Variants in FOCAD observed in about 807,000 individuals in gnomAD.
The protein encoded by FOCAD is focadhesin.
A neutral mutation model predicts 225.6 loss-of-function variants in FOCAD; 198 were observed. That is an observed-to-expected ratio of 0.88 (90% confidence interval 0.78 to 0.99). The LOEUF (loss-of-function observed/expected upper bound fraction) is 0.99, where lower values mean the gene tolerates loss of function less well. Among genes scored for constraint, FOCAD ranks in the 50% least tolerant of loss-of-function variants. The pLI, the probability that FOCAD is intolerant of heterozygous loss-of-function variation, is 0.00. For synonymous variants in FOCAD, 897 were observed against 755.0 expected (o/e 1.19, Z -3.08); for missense variants, 2,713 against 2,123.6 (o/e 1.28, Z -5.46).
chr9:20,667,715 A>C (rs538607536), intron 2 of FOCAD, among the ~76,000 whole-genome samples: 30 of 152,364 alleles, frequency 2.0e-4, no homozygotes, highest in African/African-American at 6.3e-4. Flanking sequence ...TGACAGGAAT[A>C]ATACTGCTTC....
chr9:20,943,471 A>T (rs1246345375), intron 28 of FOCAD, among the ~76,000 whole-genome samples: 3 of 152,218 alleles, frequency 2.0e-5, no homozygotes, highest in South Asian at 4.1e-4. Context: ...ATCCCCTTGT[A>T]TTGGCCGTGC....
intron 16 of FOCAD, among the ~76,000 whole-genome samples, chr9:20,864,732 G>A (rs965996043): frequency 5.3e-5 from 8 of 152,066 alleles, no homozygotes; most frequent in South Asian, 2.1e-4. Flanking sequence ...CACAGTGCTT[G>A]CTTCACTTAT....
At chr9:20,787,707 C>T (rs1490806086) in intron 10 of FOCAD, among the ~76,000 whole-genome samples, 3 of 149,960 alleles carry the variant, frequency 2.0e-5, no homozygotes, top group African/African-American at 7.6e-5. Flanking sequence ...TTTCACTCCC[C>T]AAAACAGAAG....
At chr9:20,993,511 T>C (rs1841839326) in intron 43 of FOCAD, among the ~76,000 whole-genome samples, 183 bp downstream of exon 43, 1 of 152,200 alleles carries the variant, frequency 6.6e-6, no homozygotes. Flanking sequence ...AAGGAGATGC[T>C]TTGGGGATGG....
intron 15 of FOCAD, among the ~76,000 whole-genome samples, chr9:20,845,544 T>C (rs186917141): frequency 6.6e-6 from 1 of 151,214 alleles, no homozygotes; most frequent in African/African-American, 2.4e-5. Context: ...TATTAGATTG[T>C]TTCCAATTTT....
At chr9:20,962,681 A>T (rs538057181) in intron 35 of FOCAD, among the ~76,000 whole-genome samples, 1 of 152,228 alleles carries the variant, frequency 6.6e-6, no homozygotes, top group African/African-American at 2.4e-5. Context: ...GTCCTGTTGT[A>T]ATGCATTATG....
At chr9:20,834,725 A>G (rs1292706363) in intron 15 of FOCAD, among the ~76,000 whole-genome samples, 2 of 152,016 alleles carry the variant, frequency 1.3e-5, no homozygotes, top group African/African-American at 4.8e-5. Flanking sequence ...AGGGAGATAG[A>G]CCAGAAAGGG....
At chr9:20,720,663 G>A in intron 4 of FOCAD, 129 bp downstream of exon 4, 1 of 871,676 alleles carries the variant, frequency 1.1e-6, no homozygotes, top group Non-Finnish European at 1.8e-6. Context: ...AATGTCATGA[G>A]TTGCTGTTTC....
At chr9:20,694,890 C>T (rs1036264119) in intron 1 of FOCAD, among the ~76,000 whole-genome samples, 3 of 152,148 alleles carry the variant, frequency 2.0e-5, no homozygotes, top group African/African-American at 4.8e-5. Flanking sequence ...CTCAGTTGGG[C>T]CAAGATTGTC....
intron 5 of FOCAD, 73 bp from the exon 6 acceptor site, chr9:20,758,017 G>T: frequency 1.1e-6 from 1 of 921,552 alleles, no homozygotes; most frequent in Non-Finnish European, 1.6e-6. Context: ...TGGCTTCTTT[G>T]CTGCTATATT....
At chr9:20,749,096 T>TC (rs1445895039) in intron 5 of FOCAD, among the ~76,000 whole-genome samples, 1 of 152,108 alleles carries the variant, frequency 6.6e-6, no homozygotes, top group African/African-American at 2.4e-5. Context: ...CATTTATGTT[T>TC]CCCCCCAACC....
At chr9:20,693,443 A>G (rs10120221) in intron 1 of FOCAD, among the ~76,000 whole-genome samples, 3,517 of 152,226 alleles carry the variant, frequency 0.023, 137 homozygotes, top group African/African-American at 0.081. Flanking sequence ...CAGAAATGCT[A>G]TGTAATTTAC....
chr9:20,821,185 T>C (rs1269337231), intron 14 of FOCAD, 114 bp downstream of exon 14: 2 of 912,040 alleles, frequency 2.2e-6, no homozygotes, highest in Non-Finnish European at 3.0e-6. Context: ...TAAGTACTAA[T>C]AATTTTTTAA....
chr9:20,865,986 C>A lies in FOCAD; in HGVS notation c.2106+10C>A. 6.3e-7 allele frequency: 1 copy of A among 1,599,148 alleles called. No homozygotes were observed. Among genetic ancestry groups the A allele is most frequent in the Non-Finnish European group, 8.5e-7 (1 of 1,171,916 alleles). On this transcript the variant is annotated intron_variant, in intron 17 of 43. Transcript: ENST00000338382. The stretch of plus-strand genomic sequence containing the variant: ...TCATACTCAAAACAAGGTACTATCA[C>A]AAGGCTTGTCAGTGAATCAGAACAA...
At chr9:20,967,957 G>A (rs1363455609) in intron 35 of FOCAD, among the ~76,000 whole-genome samples, 1 of 152,002 alleles carries the variant, frequency 6.6e-6, no homozygotes, top group East Asian at 1.9e-4. Flanking sequence ...ATGATATCAG[G>A]ATAATGCTGA....
chr9:20,938,627 T>C (rs1307909869), intron 28 of FOCAD, among the ~76,000 whole-genome samples: 2 of 152,046 alleles, frequency 1.3e-5, no homozygotes, highest in African/African-American at 4.8e-5. Flanking sequence ...ATACCTAATG[T>C]TAAATGACAA....
chr9:20,719,114 C>T (rs1825573143), intron 3 of FOCAD, among the ~76,000 whole-genome samples: 1 of 151,992 alleles, frequency 6.6e-6, no homozygotes, highest in Non-Finnish European at 1.5e-5. Context: ...CAGAGTCTGG[C>T]TCTGTCGCCC....
At chr9:20,661,911 AAAAG>A (rs1306286671) in intron 2 of FOCAD, among the ~76,000 whole-genome samples, 1 of 152,238 alleles carries the variant, frequency 6.6e-6, no homozygotes, top group Non-Finnish European at 1.5e-5. Context: ...ATGCTGCTGT[AAAAG>A]AAAGAATGAG....
Position 20,938,563 on chromosome 9 carries a change from A to T in FOCAD, c.3407+5460A>T, listed in dbSNP as rs1469966391. ...ATGGACACAGGAAGCGGAACATCAC[A>T]CACGGGGGCCTGTTGTGGGGTGGGG... is the stretch of plus-strand genomic sequence containing the variant. On this transcript the variant is annotated intron_variant, in intron 28 of 43. Transcript: ENST00000338382. Among the ~76,000 whole-genome samples, 5 of 139,050 alleles carry T rather than the reference A, an allele frequency of 3.6e-5. No individual in the cohort carries two copies. In the East Asian group the frequency reaches 6.7e-4, roughly 19 times the overall value. The allele number at this position is 139,050 out of a possible 152,430, so 91.2% of individuals were successfully genotyped here. A position where few individuals can be genotyped will look rare whatever the true frequency, so the allele number is the denominator to read the frequency against.
Sources: allele counts gnomAD v4.1 joint callset (sites outside exome capture counted in the v4.1 genomes callset), GRCh38; gene constraint gnomAD v4.1.1; transcripts MANE v1.5; gene names NCBI Gene and HGNC (gene_info 2026-07-23, HGNC 2026-07-21).